MAP3K4: variants seen among roughly 807,000 people sequenced by gnomAD.
The protein encoded by MAP3K4 is MAP three kinase 1.
MAP3K4 carries 67 observed loss-of-function variants against 185.6 expected under a neutral mutation model. That is an observed-to-expected ratio of 0.36 (90% CI 0.30 to 0.44). MAP3K4 has a LOEUF of 0.44. Among genes scored for constraint, MAP3K4 ranks in the 20% least tolerant of loss-of-function variants. The probability of loss-of-function intolerance (pLI) is 1.00; values close to 1 mark genes in which losing one functional copy is unlikely to be tolerated. For missense variants in MAP3K4, 1,551 were observed against 1,995.1 expected (o/e 0.78, Z 4.24); for synonymous variants, 702 against 710.4 (o/e 0.99, Z 0.19).
At position 161,087,229 on chromosome 6, in the gene MAP3K4, T is replaced by C. The variant is rs1240539540; in HGVS notation, c.2557-459T>C. The stretch of plus-strand genomic sequence containing the variant: ...GACCTGCAGCGTGCCACCACATGTG[T>C]ACCCTTTGAGAAACTGATCTCAAGG... On this transcript the variant is annotated intron_variant, in intron 9 of 26. Transcript: ENST00000392142. This position sits in a 1 kb window ranked among gnomAD's most constrained non-coding sequence, Gnocchi z 4.9. Among the ~76,000 whole-genome samples, 3 of 152,194 alleles carry C rather than the reference T, an allele frequency of 2.0e-5. No individual in the cohort carries two copies. Among genetic ancestry groups the C allele is most frequent in the Admixed American group, 6.5e-5 (1 of 15,286 alleles).
In MAP3K4 at chr6:161,107,414, T is replaced by C. The variant is rs187214688; in HGVS notation, c.4049-485T>C. On this transcript the variant is annotated intron_variant, in intron 20 of 26. Coordinates refer to ENST00000392142, the MANE Select transcript of MAP3K4 (RefSeq NM_005922.4). This position sits in a 1 kb window ranked among gnomAD's most constrained non-coding sequence, Gnocchi z 6.2. ...TTATAAATTGGATTAATTATTGTTA[T>C]CAGTCTTGTCCAGGCACATATCCTC... is the stretch of plus-strand genomic sequence containing the variant. 7.2e-5 allele frequency among the ~76,000 whole-genome samples: 11 copies of C among 152,352 alleles called. No individual in the cohort carries two copies. Among genetic ancestry groups the C allele is most frequent in the Non-Finnish European group, 1.3e-4 (9 of 68,028 alleles).
intron 1 of MAP3K4, among the ~76,000 whole-genome samples, chr6:161,025,930 A>C (rs1476309694): frequency 6.6e-6 from 1 of 152,114 alleles, no homozygotes; most frequent in African/African-American, 2.4e-5. Flanking sequence ...TCTTTAGTTA[A>C]GCCTAAAACA....
rs1015319039 is a variant in MAP3K4, at chr6:161,093,594, A to G, written c.3349-179A>G. The stretch of plus-strand genomic sequence containing the variant: ...GCTTTTACTTATAAAAATGAAATAC[A>G]CTGTATTATTTTAAATTACATACAA... On this transcript the variant is annotated intron_variant, in intron 14 of 26. Transcript: ENST00000392142. This position sits in a 1 kb window ranked among gnomAD's most constrained non-coding sequence, Gnocchi z 5.2. Among the ~76,000 whole-genome samples the G allele has an allele frequency of 3.3e-5, 5 of 152,244 alleles. No homozygotes were observed. Among genetic ancestry groups the G allele is most frequent in the African/African-American group, 9.6e-5 (4 of 41,468 alleles).
At chr6:161,104,368 C>T (rs973312268) in intron 19 of MAP3K4, among the ~76,000 whole-genome samples, 2 of 146,652 alleles carry the variant, frequency 1.4e-5, no homozygotes, top group Non-Finnish European at 1.5e-5. Context: ...GGGCTGAGAT[C>T]GCGCCATCAC....
At chr6:161,010,159 A>G (rs1226907190) in intron 1 of MAP3K4, among the ~76,000 whole-genome samples, 2 of 152,236 alleles carry the variant, frequency 1.3e-5, no homozygotes, top group African/African-American at 4.8e-5. Flanking sequence ...TCTTGACTGT[A>G]CTACTTGAGA....
At chr6:161,001,535 A>C (rs1443280099) in intron 1 of MAP3K4, among the ~76,000 whole-genome samples, 2 of 152,038 alleles carry the variant, frequency 1.3e-5, no homozygotes, top group Non-Finnish European at 2.9e-5. Context: ...ATTTGTGTAC[A>C]TATTTGTTTA....
At position 160,992,002 on chromosome 6, in the gene MAP3K4, A is replaced by AGCCGCC; in HGVS notation, c.75_80dup (p.Pro35_Pro36dup). ...GTCACGCCTGCCGCCGCCATGGAGG[A>AGCCGCC]GCCGCCGCCACCGCCGCCGCCGCCA... On this transcript the variant is annotated inframe_insertion, in exon 1 of 27. Transcript: ENST00000392142. 1 of 1,537,272 alleles carries AGCCGCC rather than the reference A, an allele frequency of 6.5e-7. No individual in the cohort carries two copies. The highest frequency in any genetic ancestry group is 1.2e-5 in the South Asian group (1 of 84,192).
chr6:161,006,135 A>C (rs1781573858), intron 1 of MAP3K4, among the ~76,000 whole-genome samples: 1 of 152,214 alleles, frequency 6.6e-6, no homozygotes, highest in African/African-American at 2.4e-5. Context: ...TCAGTTACTA[A>C]AGGTTTACCT....
chr6:161,081,463 C>T (rs1583208049), intron 6 of MAP3K4, among the ~76,000 whole-genome samples: 2 of 152,026 alleles, frequency 1.3e-5, no homozygotes, highest in South Asian at 2.1e-4. Flanking sequence ...AGAATATACC[C>T]GCGTATATCA....
chr6:161,108,657 G>T lies in MAP3K4; in HGVS notation c.4120-86G>T. ...CAAATCATGATTACATATATTTATG[G>T]GGTGCAAAATGATGTTTCAGTGTAT... On this transcript the variant is annotated intron_variant, in intron 21 of 26. Coordinates refer to ENST00000392142, the MANE Select transcript of MAP3K4 (RefSeq NM_005922.4). This position sits in a 1 kb window ranked among gnomAD's most constrained non-coding sequence, Gnocchi z 5.7. The T allele has an allele frequency of 5.2e-6, 4 of 767,272 alleles. No homozygotes were observed. The highest frequency in any genetic ancestry group is 1.7e-5 in the African/African-American group (1 of 57,744). The allele number at this position is 767,272 out of a possible 1,614,324, so 47.5% of individuals were successfully genotyped here. A position where few individuals can be genotyped will look rare whatever the true frequency, so the allele number is the denominator to read the frequency against.
chr6:161,039,101 A>G (rs1182638982), intron 2 of MAP3K4, among the ~76,000 whole-genome samples: 3 of 152,036 alleles, frequency 2.0e-5, no homozygotes, highest in African/African-American at 7.2e-5. Context: ...TTTTAGTTCC[A>G]TGAGGCTGGC....
intron 1 of MAP3K4, among the ~76,000 whole-genome samples, chr6:161,000,834 T>C (rs1326313655): frequency 6.9e-6 from 1 of 144,246 alleles, no homozygotes; most frequent in Admixed American, 6.7e-5. Flanking sequence ...TATGCACACA[T>C]ACACATGTGT....
Position 161,049,561 on chromosome 6 carries a change from C to G in MAP3K4, c.1289C>G (p.Pro430Arg), listed in dbSNP as rs758513620. The change falls in exon 3 of 27, where the codon CCT (proline) becomes CGT (arginine). Residue 430 changes from proline to arginine, a missense_variant. Physicochemically the swap from Pro to Arg is moderately radical, Grantham distance 103. Coordinates refer to ENST00000392142, the MANE Select transcript of MAP3K4 (RefSeq NM_005922.4). This position sits in a 1 kb window ranked among gnomAD's most constrained non-coding sequence, Gnocchi z 8.4. ...SDIGWPVFEI[P>R]SPRPSKGNEP... ...ATTGGCTGGCCAGTGTTTGAAATCCCTTCCCCTCGACCATCCAAAGGTAAT... is the reference window on the plus strand; with the variant it reads ...ATTGGCTGGCCAGTGTTTGAAATCCGTTCCCCTCGACCATCCAAAGGTAAT... 5.0e-6 allele frequency: 8 copies of G among 1,614,140 alleles called. No homozygotes were observed. The East Asian group carries it at 6.7e-5, about 13-fold the overall frequency.
intron 2 of MAP3K4, among the ~76,000 whole-genome samples, chr6:161,044,978 C>T (rs1365790834): frequency 6.6e-6 from 1 of 152,126 alleles, no homozygotes; most frequent in East Asian, 1.9e-4. Flanking sequence ...CACTGGGGGT[C>T]ACATTTCAGC....
At chr6:160,998,310 T>C (rs1027709662) in intron 1 of MAP3K4, among the ~76,000 whole-genome samples, 3 of 152,212 alleles carry the variant, frequency 2.0e-5, no homozygotes, top group Non-Finnish European at 4.4e-5. Context: ...TTTTAAAAAG[T>C]ATGTGCATAG....
intron 1 of MAP3K4, among the ~76,000 whole-genome samples, chr6:161,001,259 G>T (rs893297875): frequency 6.6e-6 from 1 of 151,092 alleles, no homozygotes; most frequent in Admixed American, 6.6e-5. Flanking sequence ...TTAATTATAG[G>T]TGGAATCATG....
In MAP3K4 at chr6:160,991,887, C is replaced by T; in HGVS notation, c.-45C>T. On this transcript the variant is annotated 5_prime_UTR_variant, in exon 1 of 27. Transcript: ENST00000392142. This position sits in a 1 kb window ranked among gnomAD's most constrained non-coding sequence, Gnocchi z 5.7. ...CGGGGCTCCGGTGCCCCGCGCCAGGCTGCAGCTTACTGCCCGCCGCGGCCA... is the reference window on the plus strand; with the variant it reads ...CGGGGCTCCGGTGCCCCGCGCCAGGTTGCAGCTTACTGCCCGCCGCGGCCA... 3 of 1,473,862 alleles carry T rather than the reference C, an allele frequency of 2.0e-6. No homozygotes were observed. The Admixed American group carries it at 7.2e-5, about 35-fold the overall frequency. The allele number at this position is 1,473,862 out of a possible 1,614,324, so 91.3% of individuals were successfully genotyped here.
At chr6:161,039,279 CAAAAAAAAA>C (rs3050259) in intron 2 of MAP3K4, among the ~76,000 whole-genome samples, 4 of 71,948 alleles carry the variant, frequency 5.6e-5, no homozygotes, top group Admixed American at 3.7e-4. Context: ...CGCAAAAATG[CAAAAAAAAA>C]AAAAAAAAAA....
chr6:161,023,063 ATCTG>A (rs1427374209), intron 1 of MAP3K4, among the ~76,000 whole-genome samples: 1 of 152,158 alleles, frequency 6.6e-6, no homozygotes, highest in Non-Finnish European at 1.5e-5. Flanking sequence ...GTCTTCGTTC[ATCTG>A]TCTTTTTCCA....
Sources: allele counts gnomAD v4.1 joint callset (sites outside exome capture counted in the v4.1 genomes callset), GRCh38; gene constraint gnomAD v4.1.1; non-coding constraint Gnocchi (gnomAD v3.1); transcripts MANE v1.5; gene names NCBI Gene and HGNC (gene_info 2026-07-23, HGNC 2026-07-21).